Variants in TET3 observed in about 807,000 individuals in gnomAD.
TET3 encodes the protein methylcytosine dioxygenase TET3.
In TET3, 19 loss-of-function variants were observed where a neutral mutation model predicts 141.4. The ratio of observed to expected loss-of-function variants is 0.13; its 90% CI spans 0.09 to 0.20. The LOEUF is 0.20. Among genes scored for constraint, TET3 ranks in the 10% least tolerant of loss-of-function variants. The probability of loss-of-function intolerance (pLI) is 1.00; values close to 1 mark genes in which losing one functional copy is unlikely to be tolerated. For synonymous variants in TET3, 1,043 were observed against 980.9 expected (o/e 1.06, Z -1.18); for missense variants, 1,874 against 2,356.9 (o/e 0.80, Z 4.24).
chr2:74,040,248 C>T (rs116285791), intron 3 of TET3, among the ~76,000 whole-genome samples: 2,793 of 151,604 alleles, frequency 0.018, 89 homozygotes, highest in African/African-American at 0.062. Flanking sequence ...TGTGCATGCA[C>T]ACATATGTGT....
chr2:74,101,384 G>A lies in TET3; in HGVS notation c.4596G>A (p.Glu1532=), dbSNP rs1691204548. ...TSALAGPSLT[E]KPWALGAGDF... ...CCTTGGCTGGGCCCAGCCTGACTGAGAAGCCGTGGGCGCTGGGGGCAGGGG... is the reference window on the plus strand; with the variant it reads ...CCTTGGCTGGGCCCAGCCTGACTGAAAAGCCGTGGGCGCTGGGGGCAGGGG... The change falls in exon 12 of 12, where the codon GAG becomes GAA. Residue 1532 remains glutamate, a synonymous_variant. Coordinates refer to ENST00000409262, the MANE Select transcript of TET3 (RefSeq NM_001287491.2). The surrounding 1 kb of genome is among the most constrained non-coding windows in gnomAD (Gnocchi z 8.5). 6.2e-7 allele frequency: 1 copy of A among 1,613,958 alleles called. No homozygotes were observed. The highest frequency in any genetic ancestry group is 8.5e-7 in the Non-Finnish European group (1 of 1,179,888).
chr2:73,983,722 C>T (rs1000327718), upstream of TET3, among the ~76,000 whole-genome samples: 1 of 152,250 alleles, frequency 6.6e-6, no homozygotes, highest in Non-Finnish European at 1.5e-5. Flanking sequence ...TTAGCTGCAG[C>T]CGGGCGGCGA....
intron 3 of TET3, among the ~76,000 whole-genome samples, chr2:74,013,299 G>A (rs1024580189): frequency 1.0e-4 from 15 of 143,946 alleles, no homozygotes; most frequent in African/African-American, 4.4e-4. Flanking sequence ...TGGCCTGATG[G>A]GGTATTTTTT....
At chr2:74,121,831 C>G in the TET3 span, 1 of 152,252 alleles carries the variant, frequency 6.6e-6, no homozygotes, top group Non-Finnish European at 1.5e-5. Context: ...AACCCCATCT[C>G]TACCAAAAAT....
chr2:74,069,547 C>T (rs1367911920), intron 4 of TET3, among the ~76,000 whole-genome samples: 1 of 151,122 alleles, frequency 6.6e-6, no homozygotes, highest in Non-Finnish European at 1.5e-5. Context: ...AGAATTAGAC[C>T]ACTTCTAGCC....
chr2:74,034,590 A>AG, intron 3 of TET3, among the ~76,000 whole-genome samples: 1 of 152,108 alleles, frequency 6.6e-6, no homozygotes, highest in South Asian at 2.1e-4. Context: ...AAAAAAAAAA[A>AG]AAAACCCTGT....
At chr2:74,092,180 A>T (rs1345266147) in intron 8 of TET3, among the ~76,000 whole-genome samples, 3 of 152,124 alleles carry the variant, frequency 2.0e-5, no homozygotes, top group Admixed American at 6.5e-5. Context: ...GGGCACCTCT[A>T]ATCCCAGCTA....
chr2:74,096,728 A>G (rs1373644403), intron 10 of TET3, among the ~76,000 whole-genome samples: 7 of 150,490 alleles, frequency 4.7e-5, no homozygotes, highest in African/African-American at 1.7e-4. Flanking sequence ...AGATGGCGCC[A>G]CTGCACTCCA....
chr2:74,021,642 A>T (rs1443197625), intron 3 of TET3, among the ~76,000 whole-genome samples: 2 of 152,198 alleles, frequency 1.3e-5, no homozygotes, highest in Non-Finnish European at 2.9e-5. Context: ...TTCAGGGGCC[A>T]CCTGGGTCAG....
intron 3 of TET3, among the ~76,000 whole-genome samples, chr2:74,037,634 A>G (rs58020870): frequency 0.048 from 7,299 of 152,256 alleles, 586 homozygotes; most frequent in African/African-American, 0.17. Context: ...AAGGTTGACT[A>G]CAGGCTAGTT....
intron 3 of TET3, among the ~76,000 whole-genome samples, chr2:74,005,090 A>C (rs769109633): frequency 6.6e-6 from 1 of 152,118 alleles, no homozygotes. Context: ...CGCTGTAGTG[A>C]TGGCTCTCCC....
At chr2:74,069,876 G>T (rs1351436584) in intron 4 of TET3, among the ~76,000 whole-genome samples, 2 of 152,118 alleles carry the variant, frequency 1.3e-5, no homozygotes, top group East Asian at 3.8e-4. Flanking sequence ...GGGATTACAG[G>T]TGTGAGCCAC....
downstream of TET3, among the ~76,000 whole-genome samples, chr2:74,110,659 C>G (rs544877381): frequency 4.6e-5 from 7 of 152,292 alleles, no homozygotes; most frequent in South Asian, 1.4e-3. Flanking sequence ...GAGGTCTTAG[C>G]AGAGGCCTGC....
chr2:74,130,400 C>G, the TET3 span, among the ~76,000 whole-genome samples: 4 of 152,166 alleles, frequency 2.6e-5, no homozygotes, highest in Non-Finnish European at 4.4e-5. Context: ...GCAATATTAG[C>G]GCCAGTGCAG....
chr2:74,011,197 C>G (rs1028698434), intron 3 of TET3, among the ~76,000 whole-genome samples: 1 of 138,470 alleles, frequency 7.2e-6, no homozygotes, highest in Non-Finnish European at 1.5e-5. Context: ...CACTGCACTC[C>G]AGCCTGGGCG....
chr2:74,133,982 A>AT, the TET3 span, among the ~76,000 whole-genome samples: 12 of 151,208 alleles, frequency 7.9e-5, no homozygotes, highest in Non-Finnish European at 1.0e-4. Context: ...TGACCTTGTG[A>AT]TCCCCCCCCC....
intron 3 of TET3, among the ~76,000 whole-genome samples, chr2:74,025,205 C>G (rs1013634319): frequency 1.0e-5 from 1 of 99,238 alleles, no homozygotes; most frequent in Non-Finnish European, 2.0e-5. Flanking sequence ...GCCTGGGTGA[C>G]AAAGCGAGAC....
At chr2:74,037,805 A>G (rs1262569866) in intron 3 of TET3, among the ~76,000 whole-genome samples, 1 of 152,228 alleles carries the variant, frequency 6.6e-6, no homozygotes, top group Non-Finnish European at 1.5e-5. Context: ...CTCTTTCAAG[A>G]TAACATTCTT....
the TET3 span, among the ~76,000 whole-genome samples, chr2:74,123,654 G>A: frequency 0.26 from 38,889 of 152,016 alleles, 5,316 homozygotes; most frequent in East Asian, 0.49. Context: ...AAGTGCCGAG[G>A]TTGCAGCCTC....
Sources: allele counts gnomAD v4.1 joint callset (sites outside exome capture counted in the v4.1 genomes callset), GRCh38; gene constraint gnomAD v4.1.1; non-coding constraint Gnocchi (gnomAD v3.1); transcripts MANE v1.5; gene names NCBI Gene and HGNC (gene_info 2026-07-23, HGNC 2026-07-21).